Variants in IL12RB2 observed in about 807,000 individuals in gnomAD.
IL12RB2 encodes the protein interleukin 12 receptor subunit beta 2.
In IL12RB2, 82 loss-of-function variants were observed where a neutral mutation model predicts 89.4. That is an observed-to-expected ratio of 0.92 (90% CI 0.77 to 1.10). The LOEUF (loss-of-function observed/expected upper bound fraction) is 1.10, where lower values mean the gene tolerates loss of function less well. Ranked by LOEUF, IL12RB2 falls within the 50% of genes least tolerant of loss-of-function variation. The pLI is 0.00. For missense variants in IL12RB2, 963 were observed against 1,031.9 expected, an observed-to-expected ratio of 0.93 and a Z score of 0.92; for synonymous variants, 368 against 370.1, an observed-to-expected ratio of 0.99 and a Z score of 0.07.
intron 9 of IL12RB2, among the ~76,000 whole-genome samples, chr1:67,341,189 G>A (rs949905934): frequency 3.9e-5 from 6 of 152,128 alleles, no homozygotes; most frequent in African/African-American, 1.4e-4. Flanking sequence ...AGGTCGAGGT[G>A]GGCAGATCAC....
intron 10 of IL12RB2, among the ~76,000 whole-genome samples, chr1:67,367,350 A>G (rs149132995): frequency 4.6e-5 from 7 of 151,818 alleles, no homozygotes; most frequent in African/African-American, 1.7e-4. Flanking sequence ...ATCTGTGCTT[A>G]TGCCACTGCA....
rs549750319 is a variant in IL12RB2 at position 67,316,688 on chromosome 1, T to C, written c.-37+2688T>C. 3.3e-5 allele frequency among the ~76,000 whole-genome samples: 5 copies of C among 152,254 alleles called. No individual in the cohort carries two copies. The East Asian group carries it at 9.7e-4, about 29-fold the overall frequency. ...CTGACCTTATTTCTGTACCTCTCCCTTGGCAAGCTCGTTCCTCTGCCTCCA... is the reference window on the plus strand; with the variant it reads ...CTGACCTTATTTCTGTACCTCTCCCCTGGCAAGCTCGTTCCTCTGCCTCCA... On this transcript the variant is annotated intron_variant, in intron 2 of 16. Coordinates refer to ENST00000674203, the MANE Select transcript of IL12RB2 (RefSeq NM_001374259.2).
At chr1:67,320,605 T>C (rs548840747) in intron 3 of IL12RB2, among the ~76,000 whole-genome samples, 161 bp downstream of exon 3, 1 of 152,218 alleles carries the variant, frequency 6.6e-6, no homozygotes, top group Non-Finnish European at 1.5e-5. Context: ...AACTAATAGT[T>C]ATTTTATTTA....
At chr1:67,390,932 C>T (rs534412060) in intron 16 of IL12RB2, among the ~76,000 whole-genome samples, 6 of 152,184 alleles carry the variant, frequency 3.9e-5, no homozygotes, top group Non-Finnish European at 7.4e-5. Context: ...CTCCAACTAC[C>T]GAGTATGTTC....
chr1:67,326,941 T>TA (rs2100648136), intron 5 of IL12RB2, 92 bp downstream of exon 5: 4 of 939,788 alleles, frequency 4.3e-6, no homozygotes. Context: ...ATTTTTATTT[T>TA]ATTTTATTTA....
chr1:67,321,965 C>T (rs1309889929), intron 4 of IL12RB2, 76 bp downstream of exon 4: 24 of 1,252,716 alleles, frequency 1.9e-5, no homozygotes, highest in Non-Finnish European at 2.5e-5. Context: ...TGGTGTTAAA[C>T]AGAAACCCAA....
chr1:67,331,577 G>A (rs1177859570), intron 8 of IL12RB2, among the ~76,000 whole-genome samples: 1 of 151,996 alleles, frequency 6.6e-6, no homozygotes, highest in Non-Finnish European at 1.5e-5. Flanking sequence ...TGGTCGCTCA[G>A]GCCTGTAATC....
chr1:67,343,909 T>C (rs192576819), intron 9 of IL12RB2, among the ~76,000 whole-genome samples: 15 of 152,328 alleles, frequency 9.8e-5, no homozygotes, highest in Admixed American at 3.3e-4. Flanking sequence ...AACAAACATA[T>C]GAAAGCTCCT....
intron 5 of IL12RB2, among the ~76,000 whole-genome samples, chr1:67,327,821 T>C (rs1657532552): frequency 6.6e-6 from 1 of 152,220 alleles, no homozygotes; most frequent in Non-Finnish European, 1.5e-5. Context: ...GATTCTACTC[T>C]GGCCACTGCT....
chr1:67,308,815 T>C (rs533860955), intron 1 of IL12RB2, among the ~76,000 whole-genome samples: 2 of 151,414 alleles, frequency 1.3e-5, no homozygotes, highest in East Asian at 3.9e-4. Flanking sequence ...AGGTCAGGAG[T>C]TCAAGACCAG....
chr1:67,383,823 G>A (rs997100221), intron 14 of IL12RB2, among the ~76,000 whole-genome samples: 5 of 152,192 alleles, frequency 3.3e-5, no homozygotes, highest in African/African-American at 9.6e-5. Context: ...TTTCACTCAT[G>A]CAAAAATTCA....
intron 9 of IL12RB2, among the ~76,000 whole-genome samples, chr1:67,346,053 G>A (rs1336571148): frequency 6.6e-6 from 1 of 152,090 alleles, no homozygotes; most frequent in Non-Finnish European, 1.5e-5. Flanking sequence ...AGAACACTGG[G>A]GAGTATCTAG....
At chr1:67,394,277 C>T (rs796908674) in intron 16 of IL12RB2, among the ~76,000 whole-genome samples, 2 of 152,208 alleles carry the variant, frequency 1.3e-5, no homozygotes, top group African/African-American at 4.8e-5. Context: ...AGGCTCTGGA[C>T]CCTCTGCTTG....
chr1:67,324,180 T>C (rs1656967699), intron 4 of IL12RB2, among the ~76,000 whole-genome samples: 1 of 152,238 alleles, frequency 6.6e-6, no homozygotes, highest in South Asian at 2.1e-4. Context: ...TCTAAATGTA[T>C]ATATGTACAT....
chr1:67,357,828 CAT>C (rs1220464028), intron 10 of IL12RB2, among the ~76,000 whole-genome samples: 1 of 151,950 alleles, frequency 6.6e-6, no homozygotes, highest in African/African-American at 2.4e-5. Context: ...GAAATTCTTC[CAT>C]AAGGTGTAAA....
intron 9 of IL12RB2, among the ~76,000 whole-genome samples, chr1:67,347,721 C>T (rs896045267): frequency 1.3e-5 from 2 of 152,120 alleles, no homozygotes; most frequent in Admixed American, 1.3e-4. Flanking sequence ...CATATTCTTA[C>T]CAATAGGAGA....
At chr1:67,391,889 C>T (rs868598277) in intron 16 of IL12RB2, among the ~76,000 whole-genome samples, 16 of 152,150 alleles carry the variant, frequency 1.1e-4, no homozygotes, top group South Asian at 2.1e-4. Flanking sequence ...GTGATCCACC[C>T]GCCTCGGCCT....
intron 2 of IL12RB2, among the ~76,000 whole-genome samples, chr1:67,319,067 G>A (rs1348373933): frequency 2.6e-5 from 4 of 152,220 alleles, no homozygotes; most frequent in Non-Finnish European, 5.9e-5. Context: ...GGACAGGAGT[G>A]CTTTGTCTCT....
At chr1:67,307,752 C>G (rs1025589177), upstream of IL12RB2, 1 of 152,260 alleles carries the variant, frequency 6.6e-6, no homozygotes, top group Non-Finnish European at 1.5e-5. Context: ...CCCCGACCCC[C>G]GCCCCGGCCC....
Sources: gnomAD v4.1 joint callset for allele counts (sites outside exome capture counted in the v4.1 genomes callset) on GRCh38, gnomAD v4.1.1 for gene constraint, MANE v1.5 for transcripts, NCBI Gene and HGNC (gene_info 2026-07-23, HGNC 2026-07-21) for gene names.